Variants in PTPRD observed in about 807,000 individuals in gnomAD.
PTPRD encodes the protein receptor-type tyrosine-protein phosphatase delta.
In PTPRD, 34 loss-of-function variants were observed where a neutral mutation model predicts 214.5. The ratio of observed to expected loss-of-function variants is 0.16; its 90% CI spans 0.12 to 0.21. The LOEUF is 0.21. Among genes scored for constraint, PTPRD ranks in the 10% least tolerant of loss-of-function variants. PTPRD has a pLI of 1.00. For synonymous variants in PTPRD, 1,128 were observed against 845.7 expected (o/e 1.33, Z -5.79); for missense variants, 2,545 against 2,398.7 (o/e 1.06, Z -1.27).
At chr9:9,527,851 G>A (rs1348759099) in intron 8 of PTPRD, among the ~76,000 whole-genome samples, 1 of 152,122 alleles carries the variant, frequency 6.6e-6, no homozygotes, top group African/African-American at 2.4e-5. Context: ...CGTAAACTCA[G>A]CATGTTAGAT....
intron 9 of PTPRD, among the ~76,000 whole-genome samples, chr9:9,379,155 T>C (rs1347235868): frequency 3.3e-5 from 5 of 149,880 alleles, no homozygotes; most frequent in African/African-American, 7.3e-5. Flanking sequence ...TATGATCCAT[T>C]TGAGTTAAAA....
intron 5 of PTPRD, among the ~76,000 whole-genome samples, chr9:9,842,298 A>ATTTTTTTTTTTT (rs138386194): frequency 5.5e-5 from 5 of 91,400 alleles, no homozygotes; most frequent in Non-Finnish European, 8.1e-5. Context: ...GAAGGAGAGC[A>ATTTTTTTTTTTT]TTTTTTTTTT....
At chr9:9,907,634 C>CATTGGGG (rs1475971514) in intron 5 of PTPRD, among the ~76,000 whole-genome samples, 7 of 152,066 alleles carry the variant, frequency 4.6e-5, no homozygotes, top group Admixed American at 4.6e-4. Context: ...AATAAAGTCA[C>CATTGGGG]ATTGGGGATT....
At chr9:10,106,707 G>T (rs2098636747) in intron 3 of PTPRD, among the ~76,000 whole-genome samples, 1 of 151,792 alleles carries the variant, frequency 6.6e-6, no homozygotes, top group Admixed American at 6.6e-5. Context: ...TTGACCATTT[G>T]AACTAAAATA....
chr9:8,858,796 A>AACACACAC (rs71317379), intron 11 of PTPRD, among the ~76,000 whole-genome samples: 10,146 of 141,720 alleles, frequency 0.072, 506 homozygotes, highest in Middle Eastern at 0.11. Context: ...TGAAGGAGGC[A>AACACACAC]ACACACACAC....
chr9:8,341,261 G>C lies in PTPRD; in HGVS notation c.4955C>G (p.Ala1652Gly), dbSNP rs759691127. Reference protein sequence around the residue: ...TGMELEFKRLASSKAHTSRFI... With the variant: ...TGMELEFKRLGSSKAHTSRFI... ...CCTTGAGGTGTGAGCTTTTGAGCTG[G>C]CTAGACGCTGTTGAATAGGAAAAAA... Residue 1652 changes from alanine to glycine, a missense_variant, in exon 41 of 46, where the codon GCC (alanine) becomes GGC (glycine). Transcript: ENST00000381196. 2.5e-6 allele frequency: 4 copies of C among 1,588,950 alleles called. No homozygotes were observed. Among genetic ancestry groups the C allele is most frequent in the Admixed American group, 1.9e-5 (1 of 53,938 alleles).
intron 7 of PTPRD, among the ~76,000 whole-genome samples, chr9:9,647,631 C>T (rs754836579): frequency 7.9e-5 from 12 of 152,260 alleles, no homozygotes; most frequent in Admixed American, 4.6e-4. Context: ...CAGGGGAAGC[C>T]TGTTTTCCCT....
intron 12 of PTPRD, among the ~76,000 whole-genome samples, chr9:8,640,402 T>C (rs2096548080): frequency 1.3e-5 from 2 of 152,040 alleles, no homozygotes; most frequent in Non-Finnish European, 2.9e-5. Flanking sequence ...GATGCTACTG[T>C]AGGATTTTAT....
chr9:10,259,488 TAAG>T (rs2093550253), intron 3 of PTPRD, among the ~76,000 whole-genome samples: 2 of 152,256 alleles, frequency 1.3e-5, no homozygotes, highest in South Asian at 4.1e-4. Flanking sequence ...CCTCTAGACT[TAAG>T]AAATCCTCCA....
In PTPRD at chr9:9,313,815, A is replaced by G. The variant is rs1217154059; in HGVS notation, c.-203+83634T>C. Among the ~76,000 whole-genome samples the G allele has an allele frequency of 2.0e-5, 3 of 152,174 alleles. No individual in the cohort carries two copies. In the East Asian group the frequency reaches 5.8e-4, roughly 29 times the overall value. ...ATTGGAATGGTGCTTATGGCACTTTAGGAAGATTTCTATATCTCTTTAATC... is the reference window on the plus strand; with the variant it reads ...ATTGGAATGGTGCTTATGGCACTTTGGGAAGATTTCTATATCTCTTTAATC... On this transcript the variant is annotated intron_variant, in intron 9 of 45. Transcript: ENST00000381196.
At chr9:10,381,437 T>C (rs1439987041) in intron 2 of PTPRD, among the ~76,000 whole-genome samples, 1 of 152,044 alleles carries the variant, frequency 6.6e-6, no homozygotes, top group East Asian at 1.9e-4. Flanking sequence ...ACTGGCTTGT[T>C]AGCATATCAT....
chr9:10,154,612 T>A (rs2099082240), intron 3 of PTPRD, among the ~76,000 whole-genome samples: 1 of 152,148 alleles, frequency 6.6e-6, no homozygotes, highest in South Asian at 2.1e-4. Flanking sequence ...CATTTAAATT[T>A]TTAATCCATC....
chr9:9,970,001 C>T (rs1221053515), intron 4 of PTPRD, among the ~76,000 whole-genome samples: 2 of 152,176 alleles, frequency 1.3e-5, no homozygotes, highest in Non-Finnish European at 2.9e-5. Context: ...AACTGTCATT[C>T]AGTAGACATT....
chr9:9,213,143 C>G (rs555350251), intron 9 of PTPRD, among the ~76,000 whole-genome samples: 121 of 152,282 alleles, frequency 7.9e-4, no homozygotes, highest in African/African-American at 2.7e-3. Context: ...TCTCAAGGTG[C>G]TCTTATATAC....
intron 5 of PTPRD, among the ~76,000 whole-genome samples, chr9:9,856,099 G>A (rs1246864072): frequency 6.6e-6 from 1 of 152,164 alleles, no homozygotes; most frequent in East Asian, 1.9e-4. Context: ...AAGGGATAAG[G>A]TGGGTAGGTA....
At chr9:8,592,298 T>G (rs2094165238) in intron 14 of PTPRD, among the ~76,000 whole-genome samples, 1 of 152,152 alleles carries the variant, frequency 6.6e-6, no homozygotes, top group South Asian at 2.1e-4. Context: ...AAACCTGACT[T>G]GATCATGTAA....
chr9:9,497,288 T>C (rs1437659564), intron 8 of PTPRD, among the ~76,000 whole-genome samples: 1 of 152,152 alleles, frequency 6.6e-6, no homozygotes, highest in Non-Finnish European at 1.5e-5. Flanking sequence ...AAAAATAAAG[T>C]AAATGAGATA....
chr9:10,050,278 C>T (rs1454501667), intron 3 of PTPRD, among the ~76,000 whole-genome samples: 2 of 151,454 alleles, frequency 1.3e-5, no homozygotes, highest in Admixed American at 6.6e-5. Flanking sequence ...AATTATGACT[C>T]GGCCGGGCTC....
chr9:10,386,211 G>A (rs1419578752), intron 2 of PTPRD, among the ~76,000 whole-genome samples: 1 of 151,768 alleles, frequency 6.6e-6, no homozygotes, highest in South Asian at 2.1e-4. Flanking sequence ...CTTATGGCAG[G>A]TGGAAGAACC....
Sources: allele counts gnomAD v4.1 joint callset (sites outside exome capture counted in the v4.1 genomes callset), GRCh38; gene constraint gnomAD v4.1.1; transcripts MANE v1.5; gene names NCBI Gene and HGNC (gene_info 2026-07-23, HGNC 2026-07-21).